Variants in TTC34 observed in about 807,000 individuals in gnomAD.
TTC34 encodes the protein tetratricopeptide repeat protein 34.
TTC34 carries 44 observed loss-of-function variants against 40.7 expected under a neutral mutation model. The ratio of observed to expected loss-of-function variants is 1.08; its 90% confidence interval spans 0.85 to 1.39. TTC34 has a LOEUF of 1.39. TTC34 is among the 40% of genes most tolerant of loss of function. The pLI, the probability that TTC34 is intolerant of heterozygous loss-of-function variation, is 0.00. For missense variants in TTC34, 884 were observed against 838.0 expected, an observed-to-expected ratio of 1.05 and a Z score of -0.68; for synonymous variants, 422 against 398.6, an observed-to-expected ratio of 1.06 and a Z score of -0.70.
rs1246754653 is a variant in TTC34 at position 2,750,339 on chromosome 1, T to C, written c.2226+33270A>G. ...GCACCCCCATGCCCAGGTGAGCCTC[T>C]GACAGCCTTGAACAGCACCCTGCAC... On this transcript the variant is annotated intron_variant, in intron 6 of 8. Transcript: ENST00000401095. Among the ~76,000 whole-genome samples, 42 of 78,232 alleles carry C rather than the reference T, an allele frequency of 5.4e-4. 12 individuals are homozygous for C. The highest frequency in any genetic ancestry group is 2.6e-3 in the African/African-American group (39 of 14,914). 51.3% of individuals were successfully genotyped at this position (78,232 alleles called of 152,430 possible). A position where few individuals can be genotyped will look rare whatever the true frequency, so the allele number is the denominator to read the frequency against.
chr1:2,682,210 C>A (rs1288016947), intron 6 of TTC34, among the ~76,000 whole-genome samples: 2 of 135,712 alleles, frequency 1.5e-5, no homozygotes, highest in African/African-American at 2.7e-5. Context: ...CATCCGATAA[C>A]CTGGAGCAGC....
At chr1:2,698,967 G>T (rs201196125) in intron 6 of TTC34, among the ~76,000 whole-genome samples, 1,130 of 76,082 alleles carry the variant, frequency 0.015, 18 homozygotes, top group Admixed American at 0.024. Context: ...ACATCACCCT[G>T]CCCCCCCAGG....
chr1:2,685,701 C>A (rs1259015822), intron 6 of TTC34, among the ~76,000 whole-genome samples: 1 of 145,130 alleles, frequency 6.9e-6, no homozygotes, highest in Non-Finnish European at 1.5e-5. Flanking sequence ...ATCTGACAGC[C>A]TGGGTCCGCA....
chr1:2,784,154 A>G (rs1345332854), intron 5 of TTC34, among the ~76,000 whole-genome samples: 1 of 152,158 alleles, frequency 6.6e-6, no homozygotes, highest in Non-Finnish European at 1.5e-5. Flanking sequence ...CAGGGTAAGG[A>G]GGGTGAATCT....
chr1:2,684,364 G>C (rs1346258895), intron 6 of TTC34, among the ~76,000 whole-genome samples: 4 of 151,990 alleles, frequency 2.6e-5, no homozygotes, highest in African/African-American at 7.3e-5. Flanking sequence ...ACCCACAGGT[G>C]AGCATCTGAC....
At chr1:2,751,717 A>C (rs1641326831) in intron 6 of TTC34, among the ~76,000 whole-genome samples, 11 of 151,182 alleles carry the variant, frequency 7.3e-5, no homozygotes, top group African/African-American at 2.7e-4. Context: ...AGCCTGGAGC[A>C]GCACCCACAC....
rs1202285246 is a variant in TTC34 at position 2,750,968 on chromosome 1, C to A, written c.2226+32641G>T. ...GACAGCCTGGAGCAGCACCCACACC[C>A]CCAGGTGCGCATGTGATGGTCTGGA... On this transcript the variant is annotated intron_variant, in intron 6 of 8. Coordinates refer to ENST00000401095, the Ensembl canonical transcript of TTC34. Among the ~76,000 whole-genome samples, 5 of 118,054 alleles carry A rather than the reference C, an allele frequency of 4.2e-5. 2 individuals carry two copies. Among genetic ancestry groups the A allele is most frequent in the African/African-American group, 1.9e-4 (5 of 26,396 alleles). The allele number at this position is 118,054 out of a possible 152,430, so 77.4% of individuals were successfully genotyped here. A position where few individuals can be genotyped will look rare whatever the true frequency, so the allele number is the denominator to read the frequency against.
chr1:2,687,230 G>C lies in TTC34; in HGVS notation c.2227-41667C>G, dbSNP rs1277052241. Among the ~76,000 whole-genome samples the C allele has an allele frequency of 1.0e-4, 15 of 144,282 alleles. 1 individual carries two copies. The highest frequency in any genetic ancestry group is 4.2e-4 in the African/African-American group (15 of 35,474). 94.7% of individuals were successfully genotyped at this position (144,282 alleles called of 152,430 possible). ...CTCCCGGCGAGCATCCGACAGCCTGGAGCAGCACCCACACCCCCAGGTGCG... is the reference window on the plus strand; with the variant it reads ...CTCCCGGCGAGCATCCGACAGCCTGCAGCAGCACCCACACCCCCAGGTGCG... On this transcript the variant is annotated intron_variant, in intron 6 of 8. Coordinates refer to ENST00000401095, the Ensembl canonical transcript of TTC34.
rs539761144 is a variant in TTC34 at position 2,685,471 on chromosome 1, GC to G, written c.2227-39909del. ...CGAGCATCTGACAGCCTGGAGCAGT[GC>G]CCACACCCCCAGGTGAGCATCTGAC... On this transcript the variant is annotated intron_variant, in intron 6 of 8. Transcript: ENST00000401095. 2.1e-3 allele frequency among the ~76,000 whole-genome samples: 201 copies of G among 94,112 alleles called. 2 individuals are homozygous for G. Among genetic ancestry groups the G allele is most frequent in the East Asian group, 0.012 (37 of 2,968 alleles). 61.7% of individuals were successfully genotyped at this position (94,112 alleles called of 152,430 possible).
At chr1:2,687,399 C>A (rs1570817648) in intron 6 of TTC34, among the ~76,000 whole-genome samples, 1 of 151,526 alleles carries the variant, frequency 6.6e-6, no homozygotes, top group East Asian at 1.9e-4. Context: ...TGGAACGGCA[C>A]CCACACCCCC....
chr1:2,683,533 G>A (rs1418784338), intron 6 of TTC34, among the ~76,000 whole-genome samples: 5 of 138,816 alleles, frequency 3.6e-5, no homozygotes, highest in Admixed American at 2.8e-4. Flanking sequence ...GCATCTGATG[G>A]TCTGGAGCAG....
At chr1:2,784,264 G>A (rs1315645774) in intron 5 of TTC34, among the ~76,000 whole-genome samples, 1 of 152,202 alleles carries the variant, frequency 6.6e-6, no homozygotes, top group African/African-American at 2.4e-5. Context: ...GCATACGTCA[G>A]CGTTTTCTTC....
chr1:2,789,529 C>T, exon 3 of TTC34: 1 of 1,501,724 alleles, frequency 6.7e-7, no homozygotes, highest in African/African-American at 1.4e-5. Flanking sequence ...GGCCGCCCGT[C>T]TCTGCGGCCT....
chr1:2,791,697 C>T (rs1643665094), intron 2 of TTC34, among the ~76,000 whole-genome samples: 1 of 152,090 alleles, frequency 6.6e-6, no homozygotes, highest in South Asian at 2.1e-4. Flanking sequence ...ACAACATTAC[C>T]CCTGATTTTT....
chr1:2,652,029 AGCAGCAGCCC>A (rs1639152800), intron 6 of TTC34, among the ~76,000 whole-genome samples: 1 of 3,356 alleles, frequency 3.0e-4, no homozygotes, highest in African/African-American at 9.1e-4. Flanking sequence ...GACATCGTGG[AGCAGCAGCCC>A]ACACCCACAG....
intron 6 of TTC34, among the ~76,000 whole-genome samples, chr1:2,654,000 G>T (rs796546670): frequency 0.049 from 3,185 of 65,402 alleles, no homozygotes; most frequent in Admixed American, 0.075. Context: ...GTCTGGAGCA[G>T]TGCCCACACC....
intron 6 of TTC34, among the ~76,000 whole-genome samples, chr1:2,688,842 G>A (rs1226586059): frequency 4.3e-5 from 2 of 46,568 alleles, no homozygotes; most frequent in Non-Finnish European, 7.2e-5. Context: ...GCCTGGAACA[G>A]CACCCTGCAC....
intron 6 of TTC34, among the ~76,000 whole-genome samples, chr1:2,652,498 T>TCTGATATCCTGGATCAGCATCCA (rs1639179168): frequency 6.7e-6 from 1 of 148,568 alleles, no homozygotes; most frequent in African/African-American, 2.5e-5. Context: ...CAGGCGAGCA[T>TCTGATATCCTGGATCAGCATCCA]CTGACGGCCT....
chr1:2,751,870 G>T (rs1158756989), intron 6 of TTC34, among the ~76,000 whole-genome samples: 1 of 85,428 alleles, frequency 1.2e-5, no homozygotes, highest in Non-Finnish European at 2.2e-5. Flanking sequence ...GCATCCGACA[G>T]CCTGGAGCAG....
Sources: allele counts gnomAD v4.1 joint callset (sites outside exome capture counted in the v4.1 genomes callset), GRCh38; gene constraint gnomAD v4.1.1; transcripts MANE v1.5; gene names NCBI Gene and HGNC (gene_info 2026-07-23, HGNC 2026-07-21).